The following SH3BGRL2 variants were observed in gnomAD, a reference collection of about 807,000 sequenced individuals.
The protein encoded by SH3BGRL2 is SH3 domain binding glutamate rich protein like 2.
Under a neutral mutation model 14.8 loss-of-function variants are expected in SH3BGRL2, and 21 were observed. The observed-to-expected ratio is 1.42, with a 90% CI of 1.01 to 2.05. The LOEUF (loss-of-function observed/expected upper bound fraction) is 2.05. Among genes scored for constraint, SH3BGRL2 ranks in the 30% most tolerant of loss-of-function variants. The pLI is 0.00. For missense variants in SH3BGRL2, 147 were observed against 130.8 expected (o/e 1.12, Z -0.61); for synonymous variants, 50 against 47.8 (o/e 1.05, Z -0.19).
the SH3BGRL2 span, among the ~76,000 whole-genome samples, chr6:79,617,119 A>T: frequency 6.6e-6 from 1 of 152,018 alleles, no homozygotes; most frequent in African/African-American, 2.4e-5. Context: ...CAGGAGGCGG[A>T]GGTTGTGGTG....
At chr6:79,551,310 A>G in the SH3BGRL2 span, among the ~76,000 whole-genome samples, 1 of 152,196 alleles carries the variant, frequency 6.6e-6, no homozygotes, top group Non-Finnish European at 1.5e-5. Context: ...CAGTATTGCA[A>G]TATTCAGGGA....
At chr6:79,591,158 C>T in the SH3BGRL2 span, among the ~76,000 whole-genome samples, 12 of 152,156 alleles carry the variant, frequency 7.9e-5, no homozygotes, top group African/African-American at 1.4e-4. Context: ...ATGATTCCCA[C>T]GACAGCTTCA....
At chr6:79,682,865 G>T (rs1582735941) in intron 2 of SH3BGRL2, among the ~76,000 whole-genome samples, 1 of 152,200 alleles carries the variant, frequency 6.6e-6, no homozygotes, top group Admixed American at 6.5e-5. Flanking sequence ...GGAGTACTAT[G>T]CAGCCATAAA....
intron 1 of SH3BGRL2, among the ~76,000 whole-genome samples, chr6:79,635,422 A>G (rs1386466780): frequency 2.6e-5 from 4 of 152,368 alleles, no homozygotes; most frequent in Middle Eastern, 3.4e-3. Context: ...TCATTCTTGC[A>G]TTGAATGACT....
rs755447691 is a variant in SH3BGRL2, at chr6:79,696,485, G to A, written c.232G>A (p.Asp78Asn). ...QIFNGDRYCGDYDSFFESKES... is the reference protein window; with the variant it reads ...QIFNGDRYCGNYDSFFESKES... ...ATTTTCTGCTTCCCTTTTTTTCTAG[G>A]ATTATGACAGTTTTTTTGAATCCAA... Residue 78 changes from aspartate (D) to asparagine (N), a missense_variant and splice_region_variant, in exon 3 of 4, where the codon GAT (aspartate) becomes AAT (asparagine). Physicochemically the swap from Asp to Asn is conservative, Grantham distance 23. Transcript: ENST00000369838. 1 of 1,573,052 alleles carries A rather than the reference G, an allele frequency of 6.4e-7. No individual in the cohort carries two copies. Among genetic ancestry groups the A allele is most frequent in the South Asian group, 1.2e-5 (1 of 82,728 alleles).
At chr6:79,546,871 G>C in the SH3BGRL2 span, among the ~76,000 whole-genome samples, 1 of 151,694 alleles carries the variant, frequency 6.6e-6, no homozygotes, top group Non-Finnish European at 1.5e-5. Flanking sequence ...TAGTAGAGAC[G>C]GGGTTTCACC....
the SH3BGRL2 span, among the ~76,000 whole-genome samples, chr6:79,586,370 C>T: frequency 1.3e-5 from 2 of 149,060 alleles, no homozygotes; most frequent in African/African-American, 4.9e-5. Context: ...GCTCTAAAGA[C>T]ATTAGTATCA....
At chr6:79,599,522 T>C in the SH3BGRL2 span, among the ~76,000 whole-genome samples, 4 of 152,082 alleles carry the variant, frequency 2.6e-5, no homozygotes, top group Non-Finnish European at 2.9e-5. Flanking sequence ...AGGTGCCTGC[T>C]GCCATGCCCG....
At chr6:79,673,981 A>G (rs1769830814) in intron 2 of SH3BGRL2, among the ~76,000 whole-genome samples, 182 bp downstream of exon 2, 1 of 151,972 alleles carries the variant, frequency 6.6e-6, no homozygotes, top group Admixed American at 6.6e-5. Flanking sequence ...TGGACTGTGT[A>G]TGTATGTGCG....
intron 2 of SH3BGRL2, among the ~76,000 whole-genome samples, chr6:79,693,172 G>A (rs1443975781): frequency 7.9e-5 from 12 of 152,136 alleles, no homozygotes; most frequent in South Asian, 2.1e-4. Flanking sequence ...TATTATTGGC[G>A]TATAGGAATG....
chr6:79,647,047 C>T (rs1189162269), intron 1 of SH3BGRL2, among the ~76,000 whole-genome samples: 1 of 152,168 alleles, frequency 6.6e-6, no homozygotes, highest in African/African-American at 2.4e-5. Flanking sequence ...TTCTCTTGGG[C>T]ATATACCTAG....
At chr6:79,668,751 T>C (rs908344210) in intron 1 of SH3BGRL2, among the ~76,000 whole-genome samples, 1 of 152,260 alleles carries the variant, frequency 6.6e-6, no homozygotes, top group African/African-American at 2.4e-5. Flanking sequence ...TGTTTTGTTA[T>C]GCACTTGCAA....
At chr6:79,623,286 A>T in the SH3BGRL2 span, among the ~76,000 whole-genome samples, 1 of 143,250 alleles carries the variant, frequency 7.0e-6, no homozygotes, top group Non-Finnish European at 1.5e-5. Flanking sequence ...TGGGCGATAC[A>T]GTGAGACTCT....
At chr6:79,612,337 A>G in the SH3BGRL2 span, among the ~76,000 whole-genome samples, 1 of 152,124 alleles carries the variant, frequency 6.6e-6, no homozygotes, top group South Asian at 2.1e-4. Context: ...CTCACCATCC[A>G]TGGGAGAGAA....
Position 79,702,016 on chromosome 6 carries a change from C to T in SH3BGRL2, c.*2507C>T, listed in dbSNP as rs945567749. 1 of 152,508 alleles carries T rather than the reference C, an allele frequency of 6.6e-6. No individual in the cohort carries two copies. Among genetic ancestry groups the T allele is most frequent in the African/African-American group, 2.4e-5 (1 of 41,412 alleles). 9.4% of individuals were successfully genotyped at this position (152,508 alleles called of 1,614,324 possible). ...TGTGCTGCTAAAAATCAACTTATGC[C>T]ATTTTAAAATTAGATAAAATATGGA... is the stretch of plus-strand genomic sequence containing the variant. On this transcript the variant is annotated 3_prime_UTR_variant, in exon 4 of 4. Transcript: ENST00000369838.
At chr6:79,556,652 T>C in the SH3BGRL2 span, among the ~76,000 whole-genome samples, 2 of 151,940 alleles carry the variant, frequency 1.3e-5, no homozygotes, top group Non-Finnish European at 2.9e-5. Context: ...TTTAGAATTT[T>C]CCTCCTTAAA....
At chr6:79,617,329 G>A in the SH3BGRL2 span, among the ~76,000 whole-genome samples, 1 of 151,974 alleles carries the variant, frequency 6.6e-6, no homozygotes, top group Admixed American at 6.6e-5. Context: ...TAAGTAGTAG[G>A]TACCTTGAAA....
At chr6:79,590,422 GTGATATATATATAT>G in the SH3BGRL2 span, among the ~76,000 whole-genome samples, 5 of 46,486 alleles carry the variant, frequency 1.1e-4, no homozygotes, top group Admixed American at 6.2e-4. Flanking sequence ...TAAAGAAAAT[GTGATATATATATAT>G]ATATATATAT....
At chr6:79,648,221 A>C (rs1236091374) in intron 1 of SH3BGRL2, among the ~76,000 whole-genome samples, 2 of 121,614 alleles carry the variant, frequency 1.6e-5, no homozygotes, top group East Asian at 5.5e-4. Context: ...ATTCTGACCT[A>C]CCTTTGCAAC....
Sources: allele counts gnomAD v4.1 joint callset (sites outside exome capture counted in the v4.1 genomes callset), GRCh38; gene constraint gnomAD v4.1.1; transcripts MANE v1.5; gene names NCBI Gene and HGNC (gene_info 2026-07-23, HGNC 2026-07-21).